ADRA1B: variants seen among roughly 807,000 people sequenced by gnomAD.
ADRA1B encodes alpha-1B adrenergic receptor.
Under a neutral mutation model 17.9 loss-of-function variants are expected in ADRA1B, and 17 were observed. The ratio of observed to expected loss-of-function variants is 0.95; its 90% CI spans 0.65 to 1.42. ADRA1B has a LOEUF of 1.42. Among genes scored for constraint, ADRA1B ranks in the 40% most tolerant of loss-of-function variants. The pLI is 0.00. For synonymous variants in ADRA1B, 366 were observed against 327.6 expected (o/e 1.12, Z -1.27); for missense variants, 681 against 722.1 (o/e 0.94, Z 0.65).
In ADRA1B at chr5:159,905,002, G is replaced by GGAA. The variant is rs1414439236; in HGVS notation, c.-255-11114_-255-11112dup. On this transcript the variant is annotated intron_variant, in intron 1 of 2. Transcript: ENST00000641205. The stretch of plus-strand genomic sequence containing the variant: ...GATCTTAGTTAAAACTGAAAGGAGA[G>GGAA]GAAGAGGAGCCAACAGATCAAGTCA... Among the ~76,000 whole-genome samples the GGAA allele has an allele frequency of 8.5e-5, 13 of 152,316 alleles. No individual in the cohort carries two copies. The South Asian group carries it at 2.5e-3, about 29-fold the overall frequency.
At chr5:159,967,924 G>A (rs1581072216) in intron 1 of ADRA1B, among the ~76,000 whole-genome samples, 1 of 151,896 alleles carries the variant, frequency 6.6e-6, no homozygotes, top group East Asian at 2.0e-4. Context: ...CCAGTGTGAT[G>A]AACGTGAAGA....
rs554166980 is a variant in ADRA1B at position 159,904,592 on chromosome 5, C to T, written c.-255-11527C>T. On this transcript the variant is annotated intron_variant, in intron 1 of 2. Transcript: ENST00000641205. The stretch of plus-strand genomic sequence containing the variant: ...CAGAAAAATCTCTCCCTCCCTTAGA[C>T]GGAAGAAGGATTAGCATTACTGAGT... Among the ~76,000 whole-genome samples, 19 of 152,290 alleles carry T rather than the reference C, an allele frequency of 1.2e-4. 1 individual carries two copies. The highest frequency in any genetic ancestry group is 3.6e-4 in the African/African-American group (15 of 41,552).
intron 1 of ADRA1B, among the ~76,000 whole-genome samples, chr5:159,939,274 AGAGAGTGTGTGTGTGTGTGT>A (rs1279649672): frequency 6.4e-5 from 5 of 78,446 alleles, no homozygotes; most frequent in African/African-American, 1.9e-4. Context: ...AGAGAGAGAG[AGAGAGTGTGTGTGTGTGTGT>A]GTGTGTGTGT....
At chr5:159,955,191 ACT>A in intron 1 of ADRA1B, 2 of 985,290 alleles carry the variant, frequency 2.0e-6, no homozygotes, top group Non-Finnish European at 2.4e-6. Context: ...AGCGTCATTC[ACT>A]CTGTATTGGA....
chr5:159,943,427 C>A (rs1011608948), intron 1 of ADRA1B, among the ~76,000 whole-genome samples: 6 of 152,080 alleles, frequency 3.9e-5, no homozygotes, highest in African/African-American at 1.4e-4. Flanking sequence ...CTCTCTAGGG[C>A]TGAAAGTAAA....
At chr5:159,879,376 G>A (rs928469802) in intron 1 of ADRA1B, among the ~76,000 whole-genome samples, 29 of 152,158 alleles carry the variant, frequency 1.9e-4, no homozygotes, top group African/African-American at 7.0e-4. Context: ...CTGCCTGTAA[G>A]CACGACGGTG....
At chr5:159,919,822 A>G (rs1754428627) in intron 1 of ADRA1B, among the ~76,000 whole-genome samples, 1 of 152,194 alleles carries the variant, frequency 6.6e-6, no homozygotes, top group South Asian at 2.1e-4. Context: ...GGGGCAGGGG[A>G]AATAGCTCCA....
intron 1 of ADRA1B, among the ~76,000 whole-genome samples, chr5:159,929,775 T>C (rs1581042500): frequency 6.6e-6 from 1 of 152,262 alleles, no homozygotes; most frequent in South Asian, 2.1e-4. Flanking sequence ...ATTATTCTGC[T>C]GTTACCTACC....
chr5:159,933,797 T>G (rs1754877304), intron 1 of ADRA1B, among the ~76,000 whole-genome samples: 1 of 152,218 alleles, frequency 6.6e-6, no homozygotes, highest in Non-Finnish European at 1.5e-5. Flanking sequence ...AGGACTGACG[T>G]CCCAATTTAA....
At chr5:159,875,531 CA>C in intron 1 of ADRA1B, among the ~76,000 whole-genome samples, 1 of 152,274 alleles carries the variant, frequency 6.6e-6, no homozygotes, top group East Asian at 1.9e-4. Flanking sequence ...TTTAAAATTT[CA>C]ACATGCATTT....
chr5:159,926,171 T>C (rs1046416747), intron 1 of ADRA1B, among the ~76,000 whole-genome samples: 1 of 152,222 alleles, frequency 6.6e-6, no homozygotes, highest in Non-Finnish European at 1.5e-5. Flanking sequence ...TGCATTTTCT[T>C]TTTTTTGTGC....
chr5:159,925,221 A>G (rs7733368), intron 1 of ADRA1B, among the ~76,000 whole-genome samples: 3,481 of 152,294 alleles, frequency 0.023, 130 homozygotes, highest in African/African-American at 0.079. Flanking sequence ...GGAGGAAAGA[A>G]AAAGCATGTG....
At chr5:159,882,532 C>T (rs1216115466) in intron 1 of ADRA1B, among the ~76,000 whole-genome samples, 6 of 152,178 alleles carry the variant, frequency 3.9e-5, no homozygotes, top group African/African-American at 1.4e-4. Context: ...TCTGCTGGCA[C>T]GGGTCATATT....
intron 1 of ADRA1B, among the ~76,000 whole-genome samples, chr5:159,905,837 C>G (rs1362590203): frequency 6.6e-6 from 1 of 151,414 alleles, no homozygotes; most frequent in African/African-American, 2.4e-5. Context: ...CAAGAATAAA[C>G]TACAGCAAGT....
chr5:159,927,089 T>C (rs1460456815), intron 1 of ADRA1B, among the ~76,000 whole-genome samples: 3 of 152,134 alleles, frequency 2.0e-5, no homozygotes, highest in Non-Finnish European at 2.9e-5. Context: ...AAGACCCGTG[T>C]GGACACAAGG....
At chr5:159,887,452 A>T (rs1275867132) in intron 1 of ADRA1B, among the ~76,000 whole-genome samples, 5 of 152,224 alleles carry the variant, frequency 3.3e-5, no homozygotes, top group Non-Finnish European at 7.3e-5. Context: ...AACTATCCTT[A>T]TTCAAATATC....
At position 159,972,380 on chromosome 5, in the gene ADRA1B, GC is replaced by G. The variant is rs1262065169; in HGVS notation, c.1455del (p.Thr487ProfsTer104). The G allele has an allele frequency of 1.9e-5, 29 of 1,512,724 alleles. No individual in the cohort carries two copies. The highest frequency in any genetic ancestry group is 2.6e-5 in the Non-Finnish European group (29 of 1,136,700). The allele number at this position is 1,512,724 out of a possible 1,614,324, so 93.7% of individuals were successfully genotyped here. ...FTFKLLTEPE[S>X]PGTDGGASNG... ...TTCAAGCTCCTGACCGAGCCCGAGA[GC>G]CCCGGGACCGACGGCGGCGCCAGCA... On this transcript the variant is annotated frameshift_variant, in exon 2 of 2. Coordinates refer to ENST00000306675, the MANE Select transcript of ADRA1B (RefSeq NM_000679.4). LOFTEE classifies it high-confidence loss of function.
At chr5:159,918,887 G>A (rs1176695848) in intron 1 of ADRA1B, among the ~76,000 whole-genome samples, 1 of 152,118 alleles carries the variant, frequency 6.6e-6, no homozygotes. Context: ...TACAGAAAAT[G>A]AATGGAGGGA....
intron 1 of ADRA1B, among the ~76,000 whole-genome samples, chr5:159,898,668 A>G (rs533775908): frequency 6.6e-6 from 1 of 152,220 alleles, no homozygotes; most frequent in African/African-American, 2.4e-5. Flanking sequence ...AAAGCATCCT[A>G]TAATGTTACC....
Sources: gnomAD v4.1 joint callset for allele counts (sites outside exome capture counted in the v4.1 genomes callset) on GRCh38, gnomAD v4.1.1 for gene constraint, MANE v1.5 for transcripts, NCBI Gene and HGNC (gene_info 2026-07-23, HGNC 2026-07-21) for gene names.